The following CSTPP1 variants were observed in gnomAD, a reference collection of about 807,000 sequenced individuals.
CSTPP1 encodes UPF0705 protein C11orf49.
the CSTPP1 span, among the ~76,000 whole-genome samples, chr11:47,151,502 T>C: frequency 6.6e-6 from 1 of 151,728 alleles, no homozygotes; most frequent in African/African-American, 2.4e-5. Context: ...ATGGTGGCTG[T>C]GGACGTGGAA....
chr11:47,094,587 T>C, the CSTPP1 span, among the ~76,000 whole-genome samples: 1 of 152,188 alleles, frequency 6.6e-6, no homozygotes, highest in East Asian at 1.9e-4. Context: ...GCTCATCAAA[T>C]TGTACATATT....
the CSTPP1 span, among the ~76,000 whole-genome samples, chr11:47,140,833 G>A: frequency 6.6e-6 from 1 of 151,556 alleles, no homozygotes; most frequent in Non-Finnish European, 1.5e-5. Context: ...GGGCACGGTG[G>A]CTCACGCCTG....
chr11:46,943,975 C>T, the CSTPP1 span, among the ~76,000 whole-genome samples: 88,809 of 151,680 alleles, frequency 0.59, 29,934 homozygotes, highest in Non-Finnish European at 0.76. Context: ...GAGCTGTTTT[C>T]ACACCACTGC....
the CSTPP1 span, among the ~76,000 whole-genome samples, chr11:47,072,676 T>C: frequency 6.6e-6 from 1 of 151,736 alleles, no homozygotes; most frequent in African/African-American, 2.4e-5. Context: ...AATTAGAAAA[T>C]ATATATATAT....
the CSTPP1 span, among the ~76,000 whole-genome samples, chr11:47,073,654 AT>A: frequency 6.6e-6 from 1 of 152,218 alleles, no homozygotes; most frequent in African/African-American, 2.4e-5. Flanking sequence ...CGCTAAAGTG[AT>A]AATAATAATG....
the CSTPP1 span, among the ~76,000 whole-genome samples, chr11:47,077,633 G>C: frequency 6.6e-6 from 1 of 152,274 alleles, no homozygotes. Context: ...ATGAGATCTA[G>C]CATCAAGGGG....
chr11:46,964,444 C>G, the CSTPP1 span, among the ~76,000 whole-genome samples: 1 of 152,146 alleles, frequency 6.6e-6, no homozygotes, highest in African/African-American at 2.4e-5. Flanking sequence ...CGCCTCCACG[C>G]CTGACTAATA....
At chr11:47,100,934 C>T in the CSTPP1 span, among the ~76,000 whole-genome samples, 1 of 151,506 alleles carries the variant, frequency 6.6e-6, no homozygotes, top group South Asian at 2.1e-4. Flanking sequence ...TTCTTGACAG[C>T]ATGAGATAAC....
chr11:46,994,312 A>G, the CSTPP1 span, among the ~76,000 whole-genome samples: 3 of 152,086 alleles, frequency 2.0e-5, no homozygotes, highest in Admixed American at 6.6e-5. Context: ...TTCCAACACT[A>G]TGTTGAATAG....
chr11:47,106,682 A>C, the CSTPP1 span, among the ~76,000 whole-genome samples: 1 of 152,010 alleles, frequency 6.6e-6, no homozygotes, highest in Non-Finnish European at 1.5e-5. Flanking sequence ...AAAGAAAGAA[A>C]GAAAACTCAG....
At chr11:47,008,674 A>G in the CSTPP1 span, among the ~76,000 whole-genome samples, 369 of 152,200 alleles carry the variant, frequency 2.4e-3, 1 homozygote, top group African/African-American at 8.1e-3. Context: ...AAAGAGTCAC[A>G]GGTACTGTTA....
At chr11:47,034,544 C>T in the CSTPP1 span, among the ~76,000 whole-genome samples, 1 of 150,616 alleles carries the variant, frequency 6.6e-6, no homozygotes, top group Non-Finnish European at 1.5e-5. Context: ...CTGTGTTGCC[C>T]AGGCTGGAGT....
the CSTPP1 span, among the ~76,000 whole-genome samples, chr11:46,970,587 ATT>A: frequency 6.6e-6 from 1 of 151,978 alleles, no homozygotes; most frequent in Non-Finnish European, 1.5e-5. Flanking sequence ...GGCTGAGATA[ATT>A]TTACATATAA....
chr11:47,081,339 G>A, the CSTPP1 span, among the ~76,000 whole-genome samples: 2 of 151,870 alleles, frequency 1.3e-5, no homozygotes, highest in Non-Finnish European at 2.9e-5. Flanking sequence ...TACCAGCCTC[G>A]TTAATATCTA....
At chr11:46,950,883 TC>T in the CSTPP1 span, among the ~76,000 whole-genome samples, 2,630 of 152,228 alleles carry the variant, frequency 0.017, 33 homozygotes, top group Non-Finnish European at 0.024. Context: ...CGCCTCAGCC[TC>T]CCAAAATGCT....
chr11:47,073,727 T>C, the CSTPP1 span, among the ~76,000 whole-genome samples: 1 of 152,308 alleles, frequency 6.6e-6, no homozygotes, highest in East Asian at 1.9e-4. Context: ...TGATTTGTGA[T>C]GGAGAAGTTT....
At chr11:46,945,514 C>T in the CSTPP1 span, among the ~76,000 whole-genome samples, 1 of 152,006 alleles carries the variant, frequency 6.6e-6, no homozygotes, top group South Asian at 2.1e-4. Context: ...ACTTGGGAGG[C>T]TGAGGCATGA....
chr11:47,020,477 T>C, the CSTPP1 span, among the ~76,000 whole-genome samples: 2 of 152,264 alleles, frequency 1.3e-5, no homozygotes, highest in South Asian at 2.1e-4. Context: ...CAAGCAAGTG[T>C]TGAAGATCTC....
At chr11:47,136,988 C>G in the CSTPP1 span, among the ~76,000 whole-genome samples, 1 of 152,202 alleles carries the variant, frequency 6.6e-6, no homozygotes, top group Non-Finnish European at 1.5e-5. Flanking sequence ...TCACCTCTCC[C>G]AAAGCACAAA....
Sources: allele counts gnomAD v4.1 joint callset (sites outside exome capture counted in the v4.1 genomes callset), GRCh38; gene constraint gnomAD v4.1.1; transcripts MANE v1.5; gene names NCBI Gene and HGNC (gene_info 2026-07-23, HGNC 2026-07-21).